The following DLGAP2 variants were observed in gnomAD, a reference collection of about 807,000 sequenced individuals.
DLGAP2 encodes the protein disks large-associated protein 2.
DLGAP2 carries 26 observed loss-of-function variants against 100.3 expected under a neutral mutation model. The ratio of observed to expected loss-of-function variants is 0.26; its 90% CI spans 0.19 to 0.36. DLGAP2 has a LOEUF of 0.36. Among genes scored for constraint, DLGAP2 ranks in the 10% least tolerant of loss-of-function variants. DLGAP2 has a pLI of 1.00. For synonymous variants in DLGAP2, 886 were observed against 630.1 expected (o/e 1.41, Z -6.08); for missense variants, 1,858 against 1,453.2 (o/e 1.28, Z -4.53).
intron 3 of DLGAP2, among the ~76,000 whole-genome samples, chr8:1,283,231 C>T (rs866316344): frequency 6.7e-6 from 1 of 149,574 alleles, no homozygotes; most frequent in South Asian, 2.1e-4. Flanking sequence ...CGCCCTGAAC[C>T]ATCCGGACGT....
At chr8:1,451,902 A>G in intron 3 of DLGAP2, among the ~76,000 whole-genome samples, 1 of 152,196 alleles carries the variant, frequency 6.6e-6, no homozygotes, top group Non-Finnish European at 1.5e-5. Flanking sequence ...GCTCCCACAC[A>G]CACGGCCCAG....
chr8:1,143,799 C>T (rs1044394993), intron 2 of DLGAP2, among the ~76,000 whole-genome samples: 1 of 152,232 alleles, frequency 6.6e-6, no homozygotes, highest in African/African-American at 2.4e-5. Flanking sequence ...GGCATTGTTG[C>T]TTTCCCTTCT....
chr8:1,159,294 C>G (rs1178316829), intron 2 of DLGAP2, among the ~76,000 whole-genome samples: 1 of 152,156 alleles, frequency 6.6e-6, no homozygotes, highest in Non-Finnish European at 1.5e-5. Context: ...GTTGTTTAAT[C>G]CTTTAAGGAA....
intron 4 of DLGAP2, among the ~76,000 whole-genome samples, chr8:1,511,499 A>G (rs539960561): frequency 1.0e-3 from 158 of 151,486 alleles, no homozygotes; most frequent in African/African-American, 3.0e-3. Flanking sequence ...ACCATCTTCC[A>G]TGGGCGTAAG....
In DLGAP2 at chr8:971,777, C is replaced by G. The variant is rs562031760; in HGVS notation, c.73+63811C>G. Reference sequence around the variant, plus strand: ...AAATCTGTTTTTCAAGCCTCACAGACTTGGGTTTTATGGGATCCTAAGCAA... The same window carrying G: ...AAATCTGTTTTTCAAGCCTCACAGAGTTGGGTTTTATGGGATCCTAAGCAA... On this transcript the variant is annotated intron_variant, in intron 2 of 14. Transcript: ENST00000637795. Among the ~76,000 whole-genome samples the G allele has an allele frequency of 1.2e-4, 19 of 152,260 alleles. 1 individual carries two copies. Among genetic ancestry groups the G allele is most frequent in the Middle Eastern group, 6.8e-3 (2 of 294 alleles).
In DLGAP2 at chr8:1,676,588, C is replaced by T; in HGVS notation, c.2258C>T (p.Ser753Phe). 1.2e-6 allele frequency: 2 copies of T among 1,613,482 alleles called. No homozygotes were observed. The highest frequency in any genetic ancestry group is 1.7e-6 in the Non-Finnish European group (2 of 1,179,704). Residue 753 changes from serine to phenylalanine, a missense_variant, in exon 11 of 15, where the codon TCT becomes TTT. Physicochemically the swap from Ser to Phe is radical, Grantham distance 155. Coordinates refer to ENST00000637795, the MANE Select transcript of DLGAP2 (RefSeq NM_001346810.2). ...TESRGLREYH[S>F]VGVQVEDEKR... is the part of the protein sequence containing the mutation. ...AGCCGCGGTCTGCGGGAATACCACT[C>T]TGTCGGGGTGCAAGTGGAAGATGAG... is the stretch of plus-strand genomic sequence containing the variant.
intron 3 of DLGAP2, among the ~76,000 whole-genome samples, chr8:1,290,140 T>C (rs1371573674): frequency 9.2e-5 from 14 of 152,176 alleles, no homozygotes. Flanking sequence ...CTGACTCTAT[T>C]ACATAACGTG....
chr8:1,194,504 G>C (rs66509042), intron 2 of DLGAP2, among the ~76,000 whole-genome samples: 42,759 of 152,032 alleles, frequency 0.28, 6,782 homozygotes, highest in Middle Eastern at 0.45. Context: ...ATCCCCAGGG[G>C]TCCCTCTGGG....
intron 2 of DLGAP2, among the ~76,000 whole-genome samples, chr8:993,670 C>G (rs1432112816): frequency 1.3e-5 from 2 of 152,074 alleles, no homozygotes; most frequent in Non-Finnish European, 2.9e-5. Flanking sequence ...TGCCATTTAG[C>G]CTGAGAGGAC....
At position 1,512,033 on chromosome 8, in the gene DLGAP2, A is replaced by G. The variant is rs368867275; in HGVS notation, c.172+10602A>G. Among the ~76,000 whole-genome samples the G allele has an allele frequency of 3.3e-4, 50 of 152,358 alleles. 1 individual carries two copies. In the South Asian group the frequency reaches 0.01, roughly 31 times the overall value. ...ATTACACATCTGACTAACAATCTTC[A>G]GAAGTCTCCCTGAGAACGGTGTTCC... On this transcript the variant is annotated intron_variant, in intron 4 of 14. Transcript: ENST00000637795.
chr8:1,364,127 C>T (rs1372269918), intron 3 of DLGAP2, among the ~76,000 whole-genome samples: 1 of 152,194 alleles, frequency 6.6e-6, no homozygotes, highest in Admixed American at 6.5e-5. Flanking sequence ...CCCACCTTCC[C>T]TCCTGAGCCC....
chr8:841,925 A>G (rs1428815307), intron 1 of DLGAP2, among the ~76,000 whole-genome samples: 2 of 152,358 alleles, frequency 1.3e-5, no homozygotes, highest in Admixed American at 1.3e-4. Flanking sequence ...ACAGCAGTCC[A>G]TAATTAAACA....
chr8:1,522,440 G>T (rs73672785), intron 4 of DLGAP2, among the ~76,000 whole-genome samples: 1,979 of 152,336 alleles, frequency 0.013, 46 homozygotes, highest in African/African-American at 0.045. Flanking sequence ...TTTGCTCAGA[G>T]CACGGGATCC....
At chr8:1,265,305 C>T (rs1799429256) in intron 3 of DLGAP2, among the ~76,000 whole-genome samples, 2 of 152,158 alleles carry the variant, frequency 1.3e-5, no homozygotes, top group South Asian at 4.2e-4. Context: ...CAAGATGGGT[C>T]ATTTAAATTG....
chr8:757,903 G>A (rs990006667), intron 1 of DLGAP2, among the ~76,000 whole-genome samples: 14 of 152,120 alleles, frequency 9.2e-5, no homozygotes, highest in African/African-American at 2.7e-4. Flanking sequence ...TTGTCTCCTC[G>A]TTTCCCACCT....
intron 4 of DLGAP2, among the ~76,000 whole-genome samples, chr8:1,509,813 G>T (rs1800095535): frequency 6.6e-6 from 1 of 152,204 alleles, no homozygotes; most frequent in African/African-American, 2.4e-5. Flanking sequence ...TTCAATGTCA[G>T]TTTTTACCAT....
chr8:781,078 C>T (rs985182038), intron 1 of DLGAP2, among the ~76,000 whole-genome samples: 18 of 152,194 alleles, frequency 1.2e-4, no homozygotes, highest in African/African-American at 4.3e-4. Flanking sequence ...ATAGATAACC[C>T]CTTTTTTTGG....
chr8:1,431,914 G>A, intron 3 of DLGAP2, among the ~76,000 whole-genome samples: 1 of 151,772 alleles, frequency 6.6e-6, no homozygotes, highest in Middle Eastern at 3.4e-3. Flanking sequence ...CATCCATCAG[G>A]GCTGAACCCT....
At chr8:1,463,224 G>C (rs1426678004) in intron 3 of DLGAP2, among the ~76,000 whole-genome samples, 3 of 152,216 alleles carry the variant, frequency 2.0e-5, no homozygotes, top group Non-Finnish European at 4.4e-5. Context: ...ACTCCAGCCT[G>C]GGTGACAGGG....
Sources: allele counts gnomAD v4.1 joint callset (sites outside exome capture counted in the v4.1 genomes callset), GRCh38; gene constraint gnomAD v4.1.1; transcripts MANE v1.5; gene names NCBI Gene and HGNC (gene_info 2026-07-23, HGNC 2026-07-21).